GLIS1: variants seen among roughly 807,000 people sequenced by gnomAD.
GLIS1 encodes the protein GLIS family zinc finger 1, also known as zinc finger protein GLIS1.
A neutral mutation model predicts 63.8 loss-of-function variants in GLIS1; 24 were observed. That is an observed-to-expected ratio of 0.38 (90% CI 0.27 to 0.53). The LOEUF is 0.53. Among genes scored for constraint, GLIS1 ranks in the 20% least tolerant of loss-of-function variants. The pLI, the probability that GLIS1 is intolerant of heterozygous loss-of-function variation, is 0.85. For synonymous variants in GLIS1, 450 were observed against 482.5 expected (o/e 0.93, Z 0.88); for missense variants, 1,036 against 1,074.1 (o/e 0.96, Z 0.50).
At chr1:53,507,587 G>A (rs946903683) in intron 10 of GLIS1, among the ~76,000 whole-genome samples, 6 of 152,234 alleles carry the variant, frequency 3.9e-5, no homozygotes, top group African/African-American at 1.2e-4. Flanking sequence ...TCTACGCAGT[G>A]GGGTTGGGCT....
chr1:53,620,560 C>T (rs1263195617), intron 2 of GLIS1, among the ~76,000 whole-genome samples: 3 of 152,242 alleles, frequency 2.0e-5, no homozygotes, highest in Non-Finnish European at 2.9e-5. Context: ...TGTTTCGTTT[C>T]GGCTCCACGC....
intron 4 of GLIS1, among the ~76,000 whole-genome samples, chr1:53,559,411 C>A (rs1420125675): frequency 6.6e-6 from 1 of 152,128 alleles, no homozygotes; most frequent in African/African-American, 2.4e-5. Flanking sequence ...TGGGTCCTGG[C>A]CTTCACCTCT....
At chr1:53,685,328 C>T (rs1186122644) in intron 2 of GLIS1, among the ~76,000 whole-genome samples, 1 of 152,174 alleles carries the variant, frequency 6.6e-6, no homozygotes, top group Non-Finnish European at 1.5e-5. Flanking sequence ...TTGTGGCCGC[C>T]CCGCCGCGGA....
intron 2 of GLIS1, among the ~76,000 whole-genome samples, chr1:53,736,965 T>C (rs1258897640): frequency 1.7e-5 from 2 of 120,106 alleles, no homozygotes; most frequent in African/African-American, 2.8e-5. Context: ...CCCCAAAGCC[T>C]TGGTTTCCCC....
intron 2 of GLIS1, among the ~76,000 whole-genome samples, chr1:53,679,270 G>A (rs1646249482): frequency 6.6e-6 from 1 of 152,212 alleles, no homozygotes; most frequent in Non-Finnish European, 1.5e-5. Context: ...GTGACTGTGG[G>A]AGCTGGGCCT....
At chr1:53,673,036 G>A (rs1646170610) in intron 2 of GLIS1, among the ~76,000 whole-genome samples, 1 of 152,174 alleles carries the variant, frequency 6.6e-6, no homozygotes, top group Admixed American at 6.5e-5. Context: ...TCCCTGAGCT[G>A]GCAAGCACTC....
rs960236516 is a variant in GLIS1, at chr1:53,561,461, A to G, written c.1321-31509T>C. On this transcript the variant is annotated intron_variant, in intron 4 of 10. Transcript: ENST00000628545. ...GTGGGCAATCTTTTTTCAAACAGGC[A>G]CTGTATGTCTTTACATTATTGTTGG... Among the ~76,000 whole-genome samples, 8 of 152,318 alleles carry G rather than the reference A, an allele frequency of 5.3e-5. No homozygotes were observed. In the East Asian group the frequency reaches 1.5e-3, roughly 29 times the overall value.
intron 2 of GLIS1, among the ~76,000 whole-genome samples, chr1:53,627,598 G>A (rs915185241): frequency 2.0e-5 from 3 of 152,168 alleles, no homozygotes; most frequent in Admixed American, 6.5e-5. Flanking sequence ...TTAACTAGAC[G>A]CACTTTGAAG....
intron 2 of GLIS1, among the ~76,000 whole-genome samples, chr1:53,663,568 C>T (rs990046425): frequency 5.3e-5 from 8 of 152,232 alleles, no homozygotes; most frequent in African/African-American, 1.7e-4. Flanking sequence ...AGCTGGGCTC[C>T]GTGACCCTGC....
chr1:53,719,980 A>T (rs1395465423), intron 2 of GLIS1, among the ~76,000 whole-genome samples: 1 of 152,124 alleles, frequency 6.6e-6, no homozygotes, highest in Non-Finnish European at 1.5e-5. Context: ...GTTCGAGACT[A>T]GCCTGGACAA....
At chr1:53,540,576 T>G (rs1055037695) in intron 4 of GLIS1, among the ~76,000 whole-genome samples, 1 of 152,158 alleles carries the variant, frequency 6.6e-6, no homozygotes, top group Non-Finnish European at 1.5e-5. Context: ...TAGTCCCCTT[T>G]TGGGATCCTC....
intron 2 of GLIS1, among the ~76,000 whole-genome samples, chr1:53,668,438 T>G (rs1646117867): frequency 6.6e-6 from 1 of 152,234 alleles, no homozygotes; most frequent in Non-Finnish European, 1.5e-5. Context: ...CTCAGCTCAC[T>G]GCAACTGCTG....
chr1:53,688,161 C>G (rs530707241), intron 2 of GLIS1, among the ~76,000 whole-genome samples: 4 of 152,350 alleles, frequency 2.6e-5, no homozygotes, highest in African/African-American at 9.6e-5. Context: ...GTCCCTGATT[C>G]AAGAAGAGCA....
At chr1:53,628,010 C>T (rs899124061) in intron 2 of GLIS1, among the ~76,000 whole-genome samples, 4 of 152,168 alleles carry the variant, frequency 2.6e-5, no homozygotes, top group Non-Finnish European at 5.9e-5. Flanking sequence ...GGGAGGACCC[C>T]GTCTGAGAGC....
intron 4 of GLIS1, among the ~76,000 whole-genome samples, chr1:53,559,985 C>T (rs1644870032): frequency 6.6e-6 from 1 of 152,190 alleles, no homozygotes; most frequent in South Asian, 2.1e-4. Flanking sequence ...CCTTGGCTAA[C>T]TTATCCTTCA....
At chr1:53,679,700 G>T (rs149186320) in intron 2 of GLIS1, among the ~76,000 whole-genome samples, 1 of 151,908 alleles carries the variant, frequency 6.6e-6, no homozygotes, top group East Asian at 1.9e-4. Flanking sequence ...CCCCTTGGCT[G>T]CTCTGAGCAT....
At chr1:53,601,118 GAA>G (rs1645313308) in intron 2 of GLIS1, among the ~76,000 whole-genome samples, 1 of 152,132 alleles carries the variant, frequency 6.6e-6, no homozygotes, top group Non-Finnish European at 1.5e-5. Context: ...AGCTAGGGAG[GAA>G]AGGACATGAA....
In GLIS1 at chr1:53,521,300, G is replaced by A. The variant is rs1045212200; in HGVS notation, c.1594-534C>T. Among the ~76,000 whole-genome samples, 4 of 152,258 alleles carry A rather than the reference G, an allele frequency of 2.6e-5. No individual in the cohort carries two copies. In the South Asian group the frequency reaches 8.3e-4, roughly 32 times the overall value. On this transcript the variant is annotated intron_variant, in intron 6 of 10. Transcript: ENST00000628545. ...TGCAGCCGCACCGGTGAATGGACGC[G>A]GTAGGAATAAAGCGCAATAGGTGTG...
chr1:53,615,059 A>G (rs2100582583), intron 2 of GLIS1, among the ~76,000 whole-genome samples: 1 of 152,330 alleles, frequency 6.6e-6, no homozygotes, highest in Non-Finnish European at 1.5e-5. Flanking sequence ...CCTTGAGAAT[A>G]AACCTAAGAC....
Sources: allele counts gnomAD v4.1 joint callset (sites outside exome capture counted in the v4.1 genomes callset), GRCh38; gene constraint gnomAD v4.1.1; transcripts MANE v1.5; gene names NCBI Gene and HGNC (gene_info 2026-07-23, HGNC 2026-07-21).